LINGO3: variants seen among roughly 807,000 people sequenced by gnomAD.
LINGO3 encodes leucine rich repeat and Ig domain containing 3, also known as leucine-rich repeat and immunoglobulin-like domain-containing nogo receptor-interacting protein 3.
For missense variants in LINGO3, 750 were observed against 867.7 expected (o/e 0.86, Z 1.70); for synonymous variants, 427 against 444.2 (o/e 0.96, Z 0.49).
At chr19:2,300,606 A>T in the LINGO3 span, among the ~76,000 whole-genome samples, 1 of 151,682 alleles carries the variant, frequency 6.6e-6, no homozygotes, top group African/African-American at 2.4e-5. Flanking sequence ...AGGGCGACCC[A>T]CAGAACCCCA....
chr19:2,290,707 T>C lies in LINGO3; in HGVS notation c.1070A>G (p.Asp357Gly), dbSNP rs1359682641. The change falls in exon 1 of 1, where the codon GAC (aspartate) becomes GGC (glycine). Residue 357 changes from aspartate (D) to glycine (G), a missense_variant. Asp to Gly is a moderately conservative substitution (Grantham distance 94). Transcript: ENST00000585527. This position sits in a 1 kb window ranked among gnomAD's most constrained non-coding sequence, Gnocchi z 6.0. The stretch of plus-strand genomic sequence containing the variant: ...CTGCACGATCCACAGCAGGCGACAG[T>C]CGCAGGCCAGCGGGTTCCCGTCCAC... 3 of 1,611,920 alleles carry C rather than the reference T, an allele frequency of 1.9e-6. No homozygotes were observed. The highest frequency in any genetic ancestry group is 1.3e-5 in the African/African-American group (1 of 74,882).
At chr19:2,308,133 G>A in the LINGO3 span, among the ~76,000 whole-genome samples, 1 of 129,668 alleles carries the variant, frequency 7.7e-6, no homozygotes, top group Admixed American at 7.5e-5. Flanking sequence ...GCCCGGAGCC[G>A]ACACGAGCAG....
upstream of LINGO3, among the ~76,000 whole-genome samples, chr19:2,293,240 G>C (rs150558619): frequency 6.0e-3 from 910 of 151,744 alleles, 11 homozygotes; most frequent in African/African-American, 0.021. Context: ...AATTTTTTGT[G>C]TTTTTAGTAG....
the LINGO3 span, among the ~76,000 whole-genome samples, chr19:2,306,896 C>G: frequency 6.6e-6 from 1 of 152,176 alleles, no homozygotes; most frequent in African/African-American, 2.4e-5. Flanking sequence ...GCTCAGAGAA[C>G]AGCCAGGGTA....
exon 1 of LINGO3, chr19:2,291,121 C>A: frequency 1.2e-6 from 2 of 1,607,890 alleles, no homozygotes; most frequent in Non-Finnish European, 1.7e-6. Flanking sequence ...GGGCAGCCTG[C>A]GGAAGTTCTG....
At chr19:2,294,249 G>T (rs536070931), upstream of LINGO3, among the ~76,000 whole-genome samples, 26 of 152,214 alleles carry the variant, frequency 1.7e-4, no homozygotes, top group African/African-American at 5.8e-4. The surrounding 1 kb of genome is among the most constrained non-coding windows in gnomAD (Gnocchi z 4.3). Flanking sequence ...AGGGGAAATA[G>T]AGCCGTGTGA....
At chr19:2,303,259 G>C in the LINGO3 span, among the ~76,000 whole-genome samples, 1 of 152,174 alleles carries the variant, frequency 6.6e-6, no homozygotes, top group Non-Finnish European at 1.5e-5. Context: ...TTCCCCCAGC[G>C]TCAAGGTGGG....
Position 2,290,584 on chromosome 19 carries a change from A to G in LINGO3, c.1193T>C (p.Leu398Pro). ...TTTGCGGCACACGAAGTACTCGAAC[A>G]GCACGGAGTCCGGCAGGTTTCGCAG... Residue 398 changes from leucine to proline, a missense_variant, in exon 1 of 1, where the codon CTG becomes CCG. Leu to Pro is a moderately conservative substitution (Grantham distance 98). Transcript: ENST00000585527. The surrounding 1 kb of genome is among the most constrained non-coding windows in gnomAD (Gnocchi z 6.0). 6.3e-7 allele frequency: 1 copy of G among 1,576,844 alleles called. No individual in the cohort carries two copies. The highest frequency in any genetic ancestry group is 8.6e-7 in the Non-Finnish European group (1 of 1,167,822).
chr19:2,288,221 G>A (rs907531581), downstream of LINGO3, among the ~76,000 whole-genome samples: 24 of 152,352 alleles, frequency 1.6e-4, no homozygotes, highest in Admixed American at 5.2e-4. This position sits in a 1 kb window ranked among gnomAD's most constrained non-coding sequence, Gnocchi z 6.5. Flanking sequence ...CCCCACCTCT[G>A]CAGGTGCAGA....
chr19:2,306,880 G>A, the LINGO3 span, among the ~76,000 whole-genome samples: 1 of 152,148 alleles, frequency 6.6e-6, no homozygotes, highest in African/African-American at 2.4e-5. Context: ...GATGGCTGCT[G>A]CTTCGGCTCA....
rs1382680619 is a variant in LINGO3, at chr19:2,290,446, G to A, written c.1331C>T (p.Pro444Leu). Reference sequence around the variant, plus strand: ...GGTGGCCGTCACCGGCCGGTGCTGGGGGGTCACCCAGGCCACGGTGGGCGC... The same window carrying A: ...GGTGGCCGTCACCGGCCGGTGCTGGAGGGTCACCCAGGCCACGGTGGGCGC... The change falls in exon 1 of 1, where the codon CCC (proline) becomes CTC (leucine). Residue 444 changes from proline (P) to leucine (L), a missense_variant. Transcript: ENST00000585527. The surrounding 1 kb of genome is among the most constrained non-coding windows in gnomAD (Gnocchi z 6.0). 1.4e-6 allele frequency: 2 copies of A among 1,450,332 alleles called. No individual in the cohort carries two copies. The highest frequency in any genetic ancestry group is 1.8e-6 in the Non-Finnish European group (2 of 1,109,334). 89.8% of individuals were successfully genotyped at this position (1,450,332 alleles called of 1,614,324 possible).
downstream of LINGO3, among the ~76,000 whole-genome samples, chr19:2,289,026 G>C (rs971295276): frequency 2.0e-5 from 3 of 151,660 alleles, no homozygotes; most frequent in Admixed American, 6.6e-5. Context: ...TTCTGGGTGT[G>C]AGCTGTGTGT....
chr19:2,303,352 G>C, the LINGO3 span, among the ~76,000 whole-genome samples: 1 of 54,812 alleles, frequency 1.8e-5, no homozygotes, highest in African/African-American at 5.4e-5. Flanking sequence ...CTAGCAGGGA[G>C]CTGTGGGGGG....
At chr19:2,299,683 C>G in the LINGO3 span, among the ~76,000 whole-genome samples, 1 of 148,380 alleles carries the variant, frequency 6.7e-6, no homozygotes, top group Admixed American at 6.8e-5. Flanking sequence ...CTCTGCCTCC[C>G]AAAGTGCTGG....
chr19:2,299,898 TA>T, the LINGO3 span, among the ~76,000 whole-genome samples: 1 of 150,680 alleles, frequency 6.6e-6, no homozygotes, highest in African/African-American at 2.4e-5. Context: ...TAATTTTTTG[TA>T]TTTTTAGCAG....
At chr19:2,299,123 C>T in the LINGO3 span, among the ~76,000 whole-genome samples, 2 of 152,168 alleles carry the variant, frequency 1.3e-5, no homozygotes, top group East Asian at 1.9e-4. Context: ...GCTGATCCCT[C>T]GCGCCCAGCA....
chr19:2,289,221 C>T (rs1406802395), downstream of LINGO3, among the ~76,000 whole-genome samples: 5 of 147,268 alleles, frequency 3.4e-5, no homozygotes, highest in South Asian at 6.5e-4. Context: ...CTGTGTTTCC[C>T]GGGTGTAAGC....
At chr19:2,289,649 A>T, downstream of LINGO3, 1 of 265,560 alleles carries the variant, frequency 3.8e-6, no homozygotes, top group Non-Finnish European at 7.2e-6. Flanking sequence ...CCTGGGTGTG[A>T]ATTGCGGGCC....
the LINGO3 span, among the ~76,000 whole-genome samples, chr19:2,308,142 AGCCGCCGCCGCCGCCGCCGCC>A: frequency 4.9e-3 from 685 of 139,674 alleles, 2 homozygotes; most frequent in Middle Eastern, 7.7e-3. Flanking sequence ...CGACACGAGC[AGCCGCCGCCGCCGCCGCCGCC>A]GCCGCCGCCG....
Sources: allele counts gnomAD v4.1 joint callset (sites outside exome capture counted in the v4.1 genomes callset), GRCh38; gene constraint gnomAD v4.1.1; non-coding constraint Gnocchi (gnomAD v3.1); transcripts MANE v1.5; gene names NCBI Gene and HGNC (gene_info 2026-07-23, HGNC 2026-07-21).